The following MDGA2 variants were observed in gnomAD, a reference collection of about 807,000 sequenced individuals.
MDGA2 encodes MAM domain-containing glycosylphosphatidylinositol anchor protein 2.
Under a neutral mutation model 117.8 loss-of-function variants are expected in MDGA2, and 40 were observed. That is an observed-to-expected ratio of 0.34 (90% CI 0.26 to 0.44). The LOEUF is 0.44. Among genes scored for constraint, MDGA2 ranks in the 20% least tolerant of loss-of-function variants. The pLI, the probability that MDGA2 is intolerant of heterozygous loss-of-function variation, is 1.00. For synonymous variants in MDGA2, 452 were observed against 439.0 expected (o/e 1.03, Z -0.37); for missense variants, 1,123 against 1,250.6 (o/e 0.90, Z 1.54).
At chr14:47,346,213 T>C (rs538288342) in intron 1 of MDGA2, among the ~76,000 whole-genome samples, 19 of 152,256 alleles carry the variant, frequency 1.2e-4, no homozygotes, top group Non-Finnish European at 2.6e-4. Flanking sequence ...ACAATGATTA[T>C]GTCAATTTGA....
chr14:47,673,328 T>G (rs892154911), intron 1 of MDGA2, among the ~76,000 whole-genome samples: 1 of 152,192 alleles, frequency 6.6e-6, no homozygotes, highest in African/African-American at 2.4e-5. Context: ...GCTCTGACAC[T>G]TCCACAAATA....
chr14:47,142,853 C>T (rs754641677), intron 4 of MDGA2, among the ~76,000 whole-genome samples: 5 of 152,002 alleles, frequency 3.3e-5, no homozygotes, highest in Admixed American at 6.6e-5. Flanking sequence ...AATACATGTG[C>T]GATGCTGATT....
intron 9 of MDGA2, among the ~76,000 whole-genome samples, chr14:46,950,127 A>G (rs1395882335): frequency 6.6e-6 from 1 of 151,998 alleles, no homozygotes; most frequent in Admixed American, 6.6e-5. Context: ...AAAAAATTAT[A>G]TGAATTTAAA....
At chr14:46,978,096 T>A (rs1039758638) in intron 8 of MDGA2, among the ~76,000 whole-genome samples, 1 of 151,942 alleles carries the variant, frequency 6.6e-6, no homozygotes, top group African/African-American at 2.4e-5. Context: ...GTTCTAGGTA[T>A]AATAGTTTCA....
At chr14:47,063,267 C>G (rs1889958411) in intron 6 of MDGA2, among the ~76,000 whole-genome samples, 1 of 152,040 alleles carries the variant, frequency 6.6e-6, no homozygotes, top group Non-Finnish European at 1.5e-5. Context: ...ATACTTAAAT[C>G]ACATTCTCAT....
intron 1 of MDGA2, among the ~76,000 whole-genome samples, chr14:47,309,271 T>C (rs1889558651): frequency 1.3e-5 from 2 of 152,134 alleles, no homozygotes; most frequent in Admixed American, 6.6e-5. Context: ...CTAACTACAA[T>C]ATCCACATCA....
At position 47,074,772 on chromosome 14, in the gene MDGA2, G is replaced by A. The variant is rs149635671; in HGVS notation, c.1196-13194C>T. On this transcript the variant is annotated intron_variant, in intron 6 of 16. Coordinates refer to ENST00000399232, the MANE Select transcript of MDGA2 (RefSeq NM_001113498.3). ...TCTGGGCACCTCTTGTCTCCTCTCCGTCTACACTATCACTTCTTCACAGCT... is the reference window on the plus strand; with the variant it reads ...TCTGGGCACCTCTTGTCTCCTCTCCATCTACACTATCACTTCTTCACAGCT... Among the ~76,000 whole-genome samples the A allele has an allele frequency of 1.4e-4, 21 of 151,932 alleles. No homozygotes were observed. The East Asian group carries it at 3.5e-3, about 25-fold the overall frequency.
At chr14:47,040,515 G>A (rs1313722608) in intron 7 of MDGA2, among the ~76,000 whole-genome samples, 1 of 152,028 alleles carries the variant, frequency 6.6e-6, no homozygotes, top group African/African-American at 2.4e-5. Context: ...ATGATGTTCT[G>A]AAAACATAGA....
Position 47,301,480 on chromosome 14 carries a change from C to T in MDGA2, c.351G>A (p.Arg117=), listed in dbSNP as rs1566728609. The T allele has an allele frequency of 1.9e-6, 3 of 1,551,710 alleles. No individual in the cohort carries two copies. Among genetic ancestry groups the T allele is most frequent in the Non-Finnish European group, 2.6e-6 (3 of 1,146,992 alleles). Residue 117 remains arginine, a synonymous_variant, in exon 2 of 17, where the codon AGG becomes AGA. Transcript: ENST00000399232. ...TTTCTCCTTCCCGGATAGTGTAGAC[C>T]CTTTCGGAGTAGCGCTCCTCTTCAA... The part of the protein sequence containing the change: ...CNIEEERYSE[R]VYTIREGETL...
chr14:47,065,182 T>C (rs61992842), intron 6 of MDGA2, among the ~76,000 whole-genome samples: 30,352 of 152,058 alleles, frequency 0.2, 3,088 homozygotes, highest in Admixed American at 0.29. Flanking sequence ...TTTGGAAACA[T>C]TGCAATGTAA....
intron 9 of MDGA2, among the ~76,000 whole-genome samples, chr14:46,929,601 G>GTGTATATATATATATA (rs1398520996): frequency 7.9e-5 from 1 of 12,674 alleles, no homozygotes; most frequent in Non-Finnish European, 1.7e-4. Flanking sequence ...GTGTGTGTGT[G>GTGTATATATATATATA]TATATATATA....
chr14:47,279,658 TA>T (rs1272040756), intron 2 of MDGA2, among the ~76,000 whole-genome samples: 9 of 150,138 alleles, frequency 6.0e-5, no homozygotes, highest in East Asian at 2.0e-4. Context: ...TGATTTTTTT[TA>T]AAAAAAAATC....
At chr14:47,038,307 G>T (rs2138663512) in intron 7 of MDGA2, among the ~76,000 whole-genome samples, 1 of 152,158 alleles carries the variant, frequency 6.6e-6, no homozygotes, top group East Asian at 1.9e-4. Flanking sequence ...AGAATGAATA[G>T]TAAAAAGTTA....
intron 1 of MDGA2, among the ~76,000 whole-genome samples, chr14:47,309,254 TTTTAAACTAAC>T (rs1889558093): frequency 6.6e-6 from 1 of 152,306 alleles, no homozygotes; most frequent in African/African-American, 2.4e-5. Context: ...CCATTGGTTA[TTTTAAACTAAC>T]TACAATATCC....
chr14:46,852,869 G>A lies in MDGA2; in HGVS notation c.2883+2155C>T, dbSNP rs74373181. ...AACTATCTTCCCTGAAAAAGCTCAA[G>A]AATACTTATAAGAATACAAAAATAT... On this transcript the variant is annotated intron_variant, in intron 15 of 16. Coordinates refer to ENST00000399232, the MANE Select transcript of MDGA2 (RefSeq NM_001113498.3). Among the ~76,000 whole-genome samples the A allele has an allele frequency of 5.9e-5, 9 of 151,824 alleles. No individual in the cohort carries two copies. In the East Asian group the frequency reaches 1.7e-3, roughly 29 times the overall value.
chr14:47,215,990 T>A (rs955103550), intron 3 of MDGA2, among the ~76,000 whole-genome samples: 1 of 151,522 alleles, frequency 6.6e-6, no homozygotes, highest in South Asian at 2.1e-4. Context: ...GGAAGAGGAG[T>A]CAAACTTTAG....
intron 9 of MDGA2, among the ~76,000 whole-genome samples, chr14:46,943,265 T>G (rs1334327657): frequency 6.6e-6 from 1 of 152,066 alleles, no homozygotes; most frequent in East Asian, 1.9e-4. Flanking sequence ...TCAGTCTTTT[T>G]GTGTCTTTGT....
intron 2 of MDGA2, among the ~76,000 whole-genome samples, chr14:47,246,848 C>T (rs1391254316): frequency 7.1e-6 from 1 of 140,778 alleles, no homozygotes; most frequent in Non-Finnish European, 1.6e-5. Flanking sequence ...GACGTATCAA[C>T]AAAAAGCCAG....
intron 1 of MDGA2, among the ~76,000 whole-genome samples, chr14:47,394,991 A>T (rs1212697475): frequency 6.6e-6 from 1 of 152,112 alleles, no homozygotes; most frequent in Non-Finnish European, 1.5e-5. Flanking sequence ...CGTCTCTGCA[A>T]AAAAATTTTA....
Sources: allele counts gnomAD v4.1 joint callset (sites outside exome capture counted in the v4.1 genomes callset), GRCh38; gene constraint gnomAD v4.1.1; transcripts MANE v1.5; gene names NCBI Gene and HGNC (gene_info 2026-07-23, HGNC 2026-07-21).